Variants in NTNG1 observed in about 807,000 individuals in gnomAD.
The protein encoded by NTNG1 is netrin G1.
A neutral mutation model predicts 54.0 loss-of-function variants in NTNG1; 16 were observed. The ratio of observed to expected loss-of-function variants is 0.30; its 90% CI spans 0.20 to 0.45. The LOEUF (loss-of-function observed/expected upper bound fraction) is 0.45, where lower values mean the gene tolerates loss of function less well. NTNG1 is among the 20% of genes least tolerant of loss of function. The pLI is 1.00. For missense variants in NTNG1, 530 were observed against 678.7 expected (o/e 0.78, Z 2.43); for synonymous variants, 255 against 263.1 (o/e 0.97, Z 0.30).
intron 7 of NTNG1, among the ~76,000 whole-genome samples, chr1:107,457,644 A>AT (rs968197232): frequency 5.9e-5 from 9 of 152,132 alleles, no homozygotes; most frequent in African/African-American, 1.7e-4. Context: ...ATAATAATTT[A>AT]TTTTTTAAGT....
chr1:107,280,885 T>A (rs1019142350), intron 2 of NTNG1, among the ~76,000 whole-genome samples: 1 of 151,204 alleles, frequency 6.6e-6, no homozygotes, highest in African/African-American at 2.4e-5. Context: ...TATTTTATTT[T>A]ATTTTATTTT....
intron 2 of NTNG1, among the ~76,000 whole-genome samples, chr1:107,266,526 A>T (rs959299991): frequency 3.9e-5 from 6 of 152,054 alleles, no homozygotes; most frequent in Admixed American, 6.6e-5. Flanking sequence ...GGTCCCCATG[A>T]TCTAACTACC....
In NTNG1 at chr1:107,376,407, C is replaced by CAAA. The variant is rs1479056993; in HGVS notation, c.888-18745_888-18743dup. 3.9e-4 allele frequency among the ~76,000 whole-genome samples: 7 copies of CAAA among 18,124 alleles called. No individual in the cohort carries two copies. The East Asian group carries it at 0.01, about 27-fold the overall frequency. 11.9% of individuals were successfully genotyped at this position (18,124 alleles called of 152,430 possible). On this transcript the variant is annotated intron_variant, in intron 3 of 7. Transcript: ENST00000370068. ...TGGGTGACAGAGTGAGACTCCGTCT[C>CAAA]AAAACAAAACAAAAAAAAAAACAAA...
intron 3 of NTNG1, chr1:107,330,697 A>T (rs1668225085): frequency 6.6e-6 from 1 of 152,152 alleles, no homozygotes; most frequent in Non-Finnish European, 1.5e-5. Context: ...GGGATTTGAA[A>T]ATACTTGTCT....
chr1:107,458,310 T>C (rs1677074787), intron 7 of NTNG1, among the ~76,000 whole-genome samples: 1 of 152,170 alleles, frequency 6.6e-6, no homozygotes, highest in South Asian at 2.1e-4. Flanking sequence ...CAGCCTACTC[T>C]GAAGCCATTA....
At chr1:107,256,370 A>G (rs1010831583) in intron 2 of NTNG1, among the ~76,000 whole-genome samples, 5 of 152,204 alleles carry the variant, frequency 3.3e-5, no homozygotes, top group Non-Finnish European at 7.3e-5. Context: ...CAGTCCATCA[A>G]TGAGTAAATG....
chr1:107,406,503 TGCAAAGAA>T (rs1244820019), intron 4 of NTNG1, among the ~76,000 whole-genome samples: 2 of 152,100 alleles, frequency 1.3e-5, no homozygotes, highest in Non-Finnish European at 2.9e-5. Context: ...GAGGAAACAG[TGCAAAGAA>T]GCTAGCAGAC....
intron 2 of NTNG1, among the ~76,000 whole-genome samples, chr1:107,318,947 T>C (rs937237388): frequency 3.3e-5 from 5 of 152,132 alleles, no homozygotes; most frequent in East Asian, 1.9e-4. Flanking sequence ...TCTGAAGATA[T>C]ACAGTTTGTC....
At chr1:107,476,468 A>G (rs187966531) in intron 7 of NTNG1, among the ~76,000 whole-genome samples, 119 of 152,320 alleles carry the variant, frequency 7.8e-4, no homozygotes, top group Non-Finnish European at 1.4e-3. Context: ...GAACCTTGAC[A>G]GTTCTAAAAG....
chr1:107,167,553 T>C (rs1655900157), intron 2 of NTNG1, among the ~76,000 whole-genome samples: 2 of 151,824 alleles, frequency 1.3e-5, no homozygotes, highest in South Asian at 2.1e-4. Context: ...TTCTAATATG[T>C]AGGTAAAAGC....
chr1:107,430,253 C>A (rs1675174581), intron 5 of NTNG1, among the ~76,000 whole-genome samples: 2 of 151,998 alleles, frequency 1.3e-5, no homozygotes, highest in Admixed American at 1.3e-4. Flanking sequence ...GTATATGAAA[C>A]CCCGACTGAG....
chr1:107,438,830 G>T (rs990116293), intron 7 of NTNG1, among the ~76,000 whole-genome samples: 2 of 152,088 alleles, frequency 1.3e-5, no homozygotes, highest in Admixed American at 6.6e-5. Flanking sequence ...TTCCCTTCTG[G>T]AATCAAAAGA....
In NTNG1 at chr1:107,439,812, C is replaced by G. The variant is rs1388971468; in HGVS notation, c.1390+3013C>G. 5.3e-5 allele frequency among the ~76,000 whole-genome samples: 8 copies of G among 151,940 alleles called. No individual in the cohort carries two copies. The South Asian group carries it at 1.0e-3, about 20-fold the overall frequency. ...GTGTCACAGTAGCATGCCACTAGCA[C>G]CTGCTCCAGGATTATAGTTGATGTG... On this transcript the variant is annotated intron_variant, in intron 7 of 7. Coordinates refer to ENST00000370068, the MANE Select transcript of NTNG1 (RefSeq NM_001113226.3).
intron 3 of NTNG1, among the ~76,000 whole-genome samples, chr1:107,344,185 A>T (rs1353023135): frequency 6.6e-6 from 1 of 152,170 alleles, no homozygotes; most frequent in Non-Finnish European, 1.5e-5. Flanking sequence ...ACTTTACCAT[A>T]GAGGCATATT....
chr1:107,304,741 T>A (rs1666563154), intron 2 of NTNG1, among the ~76,000 whole-genome samples: 1 of 152,158 alleles, frequency 6.6e-6, no homozygotes, highest in South Asian at 2.1e-4. Context: ...TTTTTTTTTT[T>A]TAAATTATAC....
chr1:107,480,484 G>A (rs990682999), intron 7 of NTNG1, 127 bp from the exon 8 acceptor site: 4 of 625,668 alleles, frequency 6.4e-6, no homozygotes, highest in Non-Finnish European at 1.1e-5. Flanking sequence ...TGGAGGGGAG[G>A]GGGGAGCACA....
intron 7 of NTNG1, among the ~76,000 whole-genome samples, chr1:107,474,650 A>C (rs911359348): frequency 1.2e-4 from 18 of 152,240 alleles, no homozygotes; most frequent in African/African-American, 4.3e-4. Flanking sequence ...TGACAAGCCC[A>C]AGATCAAGGG....
intron 2 of NTNG1, among the ~76,000 whole-genome samples, chr1:107,157,629 A>G (rs1221757118): frequency 6.6e-6 from 1 of 152,154 alleles, no homozygotes; most frequent in Non-Finnish European, 1.5e-5. Context: ...TGATATAGGG[A>G]CATATTTGAA....
At chr1:107,140,360 A>C (rs1653560668), upstream of NTNG1, among the ~76,000 whole-genome samples, 1 of 151,802 alleles carries the variant, frequency 6.6e-6, no homozygotes, top group South Asian at 2.1e-4. Context: ...TTTAATTGGC[A>C]CTGGCCCCTA....
Sources: allele counts gnomAD v4.1 joint callset (sites outside exome capture counted in the v4.1 genomes callset), GRCh38; gene constraint gnomAD v4.1.1; transcripts MANE v1.5; gene names NCBI Gene and HGNC (gene_info 2026-07-23, HGNC 2026-07-21).